GALM: variants seen among roughly 807,000 people sequenced by gnomAD.
GALM encodes the protein aldose 1-epimerase.
In GALM, 43 loss-of-function variants were observed where a neutral mutation model predicts 37.4. The ratio of observed to expected loss-of-function variants is 1.15; its 90% CI spans 0.90 to 1.48. The LOEUF is 1.48. Ranked by LOEUF, GALM falls within the 40% of genes most tolerant of loss-of-function variation. GALM has a pLI of 0.00. For synonymous variants in GALM, 199 were observed against 170.6 expected, an observed-to-expected ratio of 1.17 and a Z score of -1.30; for missense variants, 456 against 419.1, an observed-to-expected ratio of 1.09 and a Z score of -0.77.
chr2:38,701,337 G>GT (rs935059344), intron 4 of GALM, among the ~76,000 whole-genome samples: 45 of 150,142 alleles, frequency 3.0e-4, no homozygotes, highest in African/African-American at 3.9e-4. Flanking sequence ...ACAGCACACA[G>GT]TTTTTTTTTT....
At chr2:38,692,186 A>G (rs1182526136) in intron 4 of GALM, among the ~76,000 whole-genome samples, 3 of 152,202 alleles carry the variant, frequency 2.0e-5, no homozygotes, top group African/African-American at 4.8e-5. Context: ...CTTGAGTCAG[A>G]CCTACATGTT....
chr2:38,729,804 A>G, intron 5 of GALM, 107 bp downstream of exon 5: 1 of 920,904 alleles, frequency 1.1e-6, no homozygotes. Flanking sequence ...ACTATGCTAC[A>G]AGTGACCCAA....
intron 2 of GALM, among the ~76,000 whole-genome samples, 176 bp downstream of exon 2, chr2:38,676,242 AGTTCATCT>A (rs1665258330): frequency 6.6e-6 from 1 of 152,080 alleles, no homozygotes; most frequent in Non-Finnish European, 1.5e-5. Context: ...ATCCTTCTCT[AGTTCATCT>A]GTTGGAACAG....
chr2:38,733,697 A>G lies in GALM; in HGVS notation c.*132A>G. 1 of 740,780 alleles carries G rather than the reference A, an allele frequency of 1.3e-6. No individual in the cohort carries two copies. The highest frequency in any genetic ancestry group is 2.8e-5 in the East Asian group (1 of 36,142). 45.9% of individuals were successfully genotyped at this position (740,780 alleles called of 1,614,324 possible). ...AATCATACAAATGGTGGCTGTTCTG[A>G]GAATCAGTCTGGGTATTGATTTCCT... On this transcript the variant is annotated 3_prime_UTR_variant, in exon 7 of 7. Coordinates refer to ENST00000272252, the MANE Select transcript of GALM (RefSeq NM_138801.3).
chr2:38,727,763 T>C (rs1034098767), intron 4 of GALM, among the ~76,000 whole-genome samples: 1 of 150,212 alleles, frequency 6.7e-6, no homozygotes, highest in Non-Finnish European at 1.5e-5. Context: ...ATAAATGAAA[T>C]GTCCTCTTTT....
intron 4 of GALM, among the ~76,000 whole-genome samples, chr2:38,692,753 A>G (rs972189492): frequency 2.6e-5 from 4 of 152,200 alleles, no homozygotes; most frequent in African/African-American, 9.6e-5. Flanking sequence ...CACAGAGGGC[A>G]GGCACTGCTG....
At chr2:38,730,196 C>G (rs976945002) in intron 5 of GALM, among the ~76,000 whole-genome samples, 1 of 152,232 alleles carries the variant, frequency 6.6e-6, no homozygotes, top group Non-Finnish European at 1.5e-5. Flanking sequence ...GAAGCCCTAC[C>G]TCTACCCCAA....
At chr2:38,723,151 G>A (rs1256259819) in intron 4 of GALM, among the ~76,000 whole-genome samples, 1 of 152,150 alleles carries the variant, frequency 6.6e-6, no homozygotes, top group Non-Finnish European at 1.5e-5. Flanking sequence ...TTGCCCTTTA[G>A]GACCTCACTT....
intron 2 of GALM, among the ~76,000 whole-genome samples, chr2:38,677,551 A>C (rs898547106): frequency 6.6e-6 from 1 of 152,182 alleles, no homozygotes; most frequent in Non-Finnish European, 1.5e-5. Flanking sequence ...AACCAGAGAA[A>C]GTAAGGCCCA....
At chr2:38,685,092 C>A (rs1280508075) in intron 3 of GALM, among the ~76,000 whole-genome samples, 1 of 152,144 alleles carries the variant, frequency 6.6e-6, no homozygotes, top group Non-Finnish European at 1.5e-5. Context: ...TCTCTAATGT[C>A]CTCTTTTTAA....
chr2:38,703,415 G>A (rs1220602587), intron 4 of GALM, among the ~76,000 whole-genome samples: 1 of 151,428 alleles, frequency 6.6e-6, no homozygotes. Flanking sequence ...CTTAAACACG[G>A]TATATTAGCC....
chr2:38,694,761 G>T (rs1291444117), intron 4 of GALM, among the ~76,000 whole-genome samples: 1 of 151,966 alleles, frequency 6.6e-6, no homozygotes, highest in African/African-American at 2.4e-5. Context: ...GCCAGGCGTG[G>T]TGGCAGGCGC....
chr2:38,712,197 C>A (rs1666185818), intron 4 of GALM, among the ~76,000 whole-genome samples: 1 of 152,214 alleles, frequency 6.6e-6, no homozygotes, highest in Admixed American at 6.5e-5. Flanking sequence ...GTATCTGCCT[C>A]CTAGCTTCAT....
chr2:38,682,674 A>G (rs1665424658), intron 3 of GALM, among the ~76,000 whole-genome samples: 2 of 152,166 alleles, frequency 1.3e-5, no homozygotes, highest in Non-Finnish European at 2.9e-5. Context: ...AGATGAGTGA[A>G]TCACCTGAGG....
chr2:38,687,312 A>G (rs111850416), intron 3 of GALM, among the ~76,000 whole-genome samples: 4,589 of 152,268 alleles, frequency 0.03, 233 homozygotes, highest in African/African-American at 0.1. Flanking sequence ...CTCACAGCAG[A>G]GTGAGCTGTA....
chr2:38,676,978 A>G (rs1459354091), intron 2 of GALM, among the ~76,000 whole-genome samples: 2 of 152,132 alleles, frequency 1.3e-5, no homozygotes, highest in African/African-American at 4.8e-5. Flanking sequence ...CTTCCACTGA[A>G]GTGCCTCATG....
rs72359492 is a variant in GALM, at chr2:38,686,277, TTA to T, written c.553-3534_553-3533del. On this transcript the variant is annotated intron_variant, in intron 3 of 6. Transcript: ENST00000272252. ...CTTTCTTTCTTTCTTTCTTTCTTTC[TTA>T]TTTTGAGATGGAGTCTCGCTCTGTC... Among the ~76,000 whole-genome samples the T allele has an allele frequency of 7.3e-3, 815 of 112,406 alleles. 122 individuals are homozygous for T. In the East Asian group the frequency reaches 0.1, roughly 14 times the overall value. The allele number at this position is 112,406 out of a possible 152,430, so 73.7% of individuals were successfully genotyped here.
chr2:38,721,660 T>C (rs1666377869), intron 4 of GALM, among the ~76,000 whole-genome samples: 1 of 152,040 alleles, frequency 6.6e-6, no homozygotes, highest in African/African-American at 2.4e-5. Context: ...ATCACAGGTG[T>C]GCACCATACC....
chr2:38,719,809 C>A (rs1666340314), intron 4 of GALM, among the ~76,000 whole-genome samples: 1 of 150,988 alleles, frequency 6.6e-6, no homozygotes, highest in South Asian at 2.2e-4. Context: ...ATCTGTCACA[C>A]CTCAGAGAAC....
Sources: gnomAD v4.1 joint callset for allele counts (sites outside exome capture counted in the v4.1 genomes callset) on GRCh38, gnomAD v4.1.1 for gene constraint, MANE v1.5 for transcripts, NCBI Gene and HGNC (gene_info 2026-07-23, HGNC 2026-07-21) for gene names.